DCDC2C: variants seen among roughly 807,000 people sequenced by gnomAD.
DCDC2C encodes the protein doublecortin domain containing 2C, also known as doublecortin domain-containing protein 2C.
Under a neutral mutation model 45.0 loss-of-function variants are expected in DCDC2C, and 44 were observed. That is an observed-to-expected ratio of 0.98 (90% CI 0.77 to 1.26). DCDC2C has a LOEUF of 1.26. Ranked by LOEUF, DCDC2C falls within the 50% of genes most tolerant of loss-of-function variation. DCDC2C has a pLI of 0.00. For synonymous variants in DCDC2C, 187 were observed against 178.8 expected (o/e 1.05, Z -0.37); for missense variants, 447 against 468.9 (o/e 0.95, Z 0.43).
intron 3 of DCDC2C, among the ~76,000 whole-genome samples, chr2:3,729,389 G>C (rs1384436625): frequency 1.3e-5 from 2 of 152,232 alleles, no homozygotes; most frequent in Non-Finnish European, 2.9e-5. Flanking sequence ...GGACATTAGT[G>C]AAAGCGGCAA....
intron 10 of DCDC2C, among the ~76,000 whole-genome samples, chr2:3,802,216 C>G (rs10174064): frequency 6.6e-6 from 1 of 152,108 alleles, no homozygotes; most frequent in African/African-American, 2.4e-5. Flanking sequence ...TTTAGCCAAT[C>G]CTGGGGTTGC....
chr2:3,723,674 A>G (rs1010751855), intron 2 of DCDC2C, among the ~76,000 whole-genome samples: 17 of 152,114 alleles, frequency 1.1e-4, no homozygotes, highest in Non-Finnish European at 2.5e-4. Flanking sequence ...CCATGAGGGA[A>G]GGATTGTCTC....
intron 10 of DCDC2C, among the ~76,000 whole-genome samples, chr2:3,793,622 A>G (rs1322956464): frequency 6.6e-6 from 1 of 152,232 alleles, no homozygotes; most frequent in African/African-American, 2.4e-5. Context: ...GCTAATATCA[A>G]TACTGTAATT....
At chr2:3,715,426 C>T (rs112376477) in intron 2 of DCDC2C, among the ~76,000 whole-genome samples, 2,247 of 152,264 alleles carry the variant, frequency 0.015, 66 homozygotes, top group African/African-American at 0.052. Context: ...CATTGCCATG[C>T]TGGTGCCATA....
chr2:3,708,537 C>T lies in DCDC2C; in HGVS notation c.288-12C>T. The T allele has an allele frequency of 6.5e-7, 1 of 1,532,560 alleles. No homozygotes were observed. The highest frequency in any genetic ancestry group is 2.5e-5 in the East Asian group (1 of 40,522). The allele number at this position is 1,532,560 out of a possible 1,614,324, so 94.9% of individuals were successfully genotyped here. A position where few individuals can be genotyped will look rare whatever the true frequency, so the allele number is the denominator to read the frequency against. ...TCCTTCTAATGATGTTTTCTTCTTT[C>T]TTCTTTTGCAGTTATATTCATATAG... On this transcript the variant is annotated splice_polypyrimidine_tract_variant and intron_variant, in intron 1 of 10. Transcript: ENST00000399143.
intron 10 of DCDC2C, among the ~76,000 whole-genome samples, chr2:3,789,977 C>T (rs149841205): frequency 8.2e-4 from 125 of 152,304 alleles, no homozygotes; most frequent in African/African-American, 2.8e-3. Flanking sequence ...TATTTTCTTA[C>T]AACAAAAAGA....
intron 6 of DCDC2C, among the ~76,000 whole-genome samples, chr2:3,760,706 G>A (rs886651671): frequency 1.3e-5 from 2 of 152,078 alleles, no homozygotes; most frequent in African/African-American, 4.8e-5. Flanking sequence ...GAGGGAGAGC[G>A]TTAGAACAAA....
chr2:3,741,530 A>T (rs986195125), intron 3 of DCDC2C, among the ~76,000 whole-genome samples: 1 of 152,190 alleles, frequency 6.6e-6, no homozygotes, highest in Admixed American at 6.5e-5. Context: ...AGGTTTGAGC[A>T]GTGAGGCACT....
intron 2 of DCDC2C, among the ~76,000 whole-genome samples, chr2:3,710,130 A>G (rs1262887065): frequency 6.6e-6 from 1 of 152,220 alleles, no homozygotes. Context: ...ACTGTGCAGA[A>G]AATCAAAACT....
intron 10 of DCDC2C, among the ~76,000 whole-genome samples, chr2:3,835,573 A>C (rs1672054486): frequency 6.6e-6 from 1 of 152,154 alleles, no homozygotes; most frequent in Non-Finnish European, 1.5e-5. Flanking sequence ...TCTAGGTTTA[A>C]TCATTTTTGA....
chr2:3,836,895 T>C lies in DCDC2C; in HGVS notation c.1066-10259T>C, dbSNP rs183621221. On this transcript the variant is annotated intron_variant, in intron 10 of 10. Coordinates refer to ENST00000399143, the MANE Select transcript of DCDC2C (RefSeq NM_001287444.2). ...AAAAAAAGAGTACACTGGTCTTCTC[T>C]GTACTATCTTTGCAACTATCTTGTA... 4.6e-5 allele frequency among the ~76,000 whole-genome samples: 7 copies of C among 151,504 alleles called. No homozygotes were observed. The East Asian group carries it at 1.4e-3, about 29-fold the overall frequency.
intron 10 of DCDC2C, among the ~76,000 whole-genome samples, chr2:3,825,784 G>A (rs1010209020): frequency 6.6e-6 from 1 of 152,168 alleles, no homozygotes; most frequent in African/African-American, 2.4e-5. Flanking sequence ...GATCACTGCT[G>A]TAGCCAGGAG....
At chr2:3,747,956 A>C (rs748860082) in intron 4 of DCDC2C, among the ~76,000 whole-genome samples, 2 of 152,120 alleles carry the variant, frequency 1.3e-5, no homozygotes, top group Non-Finnish European at 2.9e-5. Context: ...ATTTGAGAAC[A>C]CATCTGAATG....
chr2:3,733,168 C>T (rs749695487), intron 3 of DCDC2C, among the ~76,000 whole-genome samples: 2 of 152,080 alleles, frequency 1.3e-5, no homozygotes, highest in Non-Finnish European at 2.9e-5. Flanking sequence ...GCTGCTGGGC[C>T]TCTGGTAATT....
intron 6 of DCDC2C, among the ~76,000 whole-genome samples, chr2:3,755,742 G>A (rs1451967750): frequency 2.6e-5 from 4 of 151,912 alleles, no homozygotes; most frequent in East Asian, 3.9e-4. Context: ...ATGGATGTGT[G>A]TATGGATGCA....
intron 10 of DCDC2C, among the ~76,000 whole-genome samples, chr2:3,805,029 C>G (rs1251049295): frequency 1.3e-5 from 2 of 152,140 alleles, no homozygotes; most frequent in Non-Finnish European, 2.9e-5. Flanking sequence ...ACCTGGATAA[C>G]TGAAAATCAA....
intron 8 of DCDC2C, among the ~76,000 whole-genome samples, chr2:3,772,021 C>CTCAG (rs1670185881): frequency 6.6e-6 from 1 of 152,192 alleles, no homozygotes; most frequent in Non-Finnish European, 1.5e-5. Flanking sequence ...TTAGCCTGAG[C>CTCAG]GTCTCACATG....
intron 10 of DCDC2C, among the ~76,000 whole-genome samples, chr2:3,841,088 A>G (rs1672203597): frequency 6.6e-6 from 1 of 152,240 alleles, no homozygotes; most frequent in East Asian, 1.9e-4. Context: ...TCCATTGTTC[A>G]ATTATTTTAA....
chr2:3,839,750 G>T (rs915912790), intron 10 of DCDC2C, among the ~76,000 whole-genome samples: 1 of 152,142 alleles, frequency 6.6e-6, no homozygotes, highest in African/African-American at 2.4e-5. Context: ...GTCAGCTCCC[G>T]CATCTGCTCC....
Sources: gnomAD v4.1 joint callset for allele counts (sites outside exome capture counted in the v4.1 genomes callset) on GRCh38, gnomAD v4.1.1 for gene constraint, MANE v1.5 for transcripts, NCBI Gene and HGNC (gene_info 2026-07-23, HGNC 2026-07-21) for gene names.